The following SASH1 variants were observed in gnomAD, a reference collection of about 807,000 sequenced individuals.
SASH1 encodes the protein SAM and SH3 domain-containing protein 1.
SASH1 carries 44 observed loss-of-function variants against 125.2 expected under a neutral mutation model. The observed-to-expected ratio is 0.35, with a 90% CI of 0.28 to 0.45. The LOEUF is 0.45. Ranked by LOEUF, SASH1 falls within the 20% of genes least tolerant of loss-of-function variation. The pLI is 1.00. For missense variants in SASH1, 1,426 were observed against 1,614.5 expected (o/e 0.88, Z 2.00); for synonymous variants, 639 against 649.1 (o/e 0.98, Z 0.24).
At chr6:148,317,222 T>A (rs1168955166) in intron 1 of SASH1, among the ~76,000 whole-genome samples, 1 of 152,202 alleles carries the variant, frequency 6.6e-6, no homozygotes, top group Non-Finnish European at 1.5e-5. Flanking sequence ...GACAAGAAAT[T>A]CCAGTGGTCT....
In SASH1 at chr6:148,308,026, G is replaced by A. The variant is rs1780189292; in HGVS notation, n.74+35649G>A. On this transcript the variant is annotated intron_variant and non_coding_transcript_variant, in intron 1 of 3. Transcript: ENST00000367469. The stretch of plus-strand genomic sequence containing the variant: ...TGAACACTCACAGGTTTACCATAGA[G>A]ATAAGCAAGAAGTATAACCAGCCAC... Among the ~76,000 whole-genome samples, 3 of 152,058 alleles carry A rather than the reference G, an allele frequency of 2.0e-5. No individual in the cohort carries two copies. The South Asian group carries it at 6.2e-4, about 32-fold the overall frequency.
chr6:148,288,150 G>T (rs1268569944), intron 1 of SASH1, among the ~76,000 whole-genome samples: 1 of 145,184 alleles, frequency 6.9e-6, no homozygotes, highest in Non-Finnish European at 1.6e-5. Context: ...AAAACCCGCG[G>T]GCCCCAGCTG....
At chr6:148,219,521 C>G in the SASH1 span, among the ~76,000 whole-genome samples, 858 of 152,278 alleles carry the variant, frequency 5.6e-3, 9 homozygotes, top group African/African-American at 0.019. Flanking sequence ...TCCTTTAACA[C>G]GCCTCATGAT....
chr6:148,316,044 TC>T (rs2128520144), intron 1 of SASH1, among the ~76,000 whole-genome samples: 1 of 152,338 alleles, frequency 6.6e-6, no homozygotes, highest in East Asian at 1.9e-4. Context: ...TTCATTGATT[TC>T]CTGGAGCACC....
At chr6:148,490,850 C>T (rs1779078706) in intron 8 of SASH1, among the ~76,000 whole-genome samples, 1 of 152,210 alleles carries the variant, frequency 6.6e-6, no homozygotes, top group Non-Finnish European at 1.5e-5. Context: ...TCTATCTCCA[C>T]ACCCAATAGC....
At chr6:148,516,489 C>CA (rs1562474773) in intron 9 of SASH1, among the ~76,000 whole-genome samples, 2 of 97,640 alleles carry the variant, frequency 2.0e-5, no homozygotes, top group African/African-American at 4.8e-5. Flanking sequence ...CGCCAGTAGG[C>CA]GCCCCCTCCC....
At position 148,529,216 on chromosome 6, in the gene SASH1, T is replaced by A. The variant is rs1453756212; in HGVS notation, c.1428+1620T>A. 6.6e-6 allele frequency among the ~76,000 whole-genome samples: 1 copy of A among 152,104 alleles called. No homozygotes were observed. On this transcript the variant is annotated intron_variant, in intron 12 of 19. Coordinates refer to ENST00000367467, the MANE Select transcript of SASH1 (RefSeq NM_015278.5). This position sits in a 1 kb window ranked among gnomAD's most constrained non-coding sequence, Gnocchi z 4.2. ...GGGTTCTGGTCCGTGGCCCGGGAGT[T>A]GGAGAATGCTGATCTAGAGGATAGA...
chr6:148,357,173 A>G (rs1236925246), intron 1 of SASH1, among the ~76,000 whole-genome samples: 1 of 152,202 alleles, frequency 6.6e-6, no homozygotes, highest in African/African-American at 2.4e-5. Flanking sequence ...TGCTGTGCAC[A>G]TATGCTGATT....
At chr6:148,239,418 C>T in the SASH1 span, among the ~76,000 whole-genome samples, 1 of 152,194 alleles carries the variant, frequency 6.6e-6, no homozygotes, top group Admixed American at 6.5e-5. Context: ...TCTCCCGTAA[C>T]AGGGCGTGGA....
upstream of SASH1, among the ~76,000 whole-genome samples, chr6:148,341,230 T>G (rs752203404): frequency 1.5e-3 from 231 of 151,814 alleles, no homozygotes; most frequent in Non-Finnish European, 2.9e-3. Context: ...ACTGTAACCT[T>G]CGCCTCCTGG....
At chr6:148,442,552 C>T (rs1776589030) in intron 4 of SASH1, among the ~76,000 whole-genome samples, 1 of 151,962 alleles carries the variant, frequency 6.6e-6, no homozygotes, top group African/African-American at 2.4e-5. Context: ...CCCCCTGCCC[C>T]CCACATACAC....
chr6:148,516,545 T>C (rs1368464356), intron 9 of SASH1, among the ~76,000 whole-genome samples: 1 of 125,316 alleles, frequency 8.0e-6, no homozygotes, highest in African/African-American at 3.0e-5. Context: ...GTTGATCCTT[T>C]GACTTCCTGC....
At chr6:148,245,989 CAAAAA>C in the SASH1 span, among the ~76,000 whole-genome samples, 2 of 139,616 alleles carry the variant, frequency 1.4e-5, no homozygotes, top group East Asian at 4.1e-4. Context: ...TCTAAAAAAA[CAAAAA>C]AAAAAGAAAA....
intron 1 of SASH1, among the ~76,000 whole-genome samples, chr6:148,375,669 T>A (rs764104938): frequency 6.6e-6 from 1 of 152,252 alleles, no homozygotes; most frequent in East Asian, 1.9e-4. Flanking sequence ...TGATGTCATA[T>A]GTAATATTTT....
intron 4 of SASH1, among the ~76,000 whole-genome samples, chr6:148,461,368 A>T (rs1777605357): frequency 1.3e-5 from 2 of 152,176 alleles, no homozygotes; most frequent in South Asian, 4.1e-4. Flanking sequence ...AAAAACCTGT[A>T]TGGGGATTGT....
At chr6:148,291,560 T>A (rs1779633093) in intron 1 of SASH1, among the ~76,000 whole-genome samples, 1 of 152,016 alleles carries the variant, frequency 6.6e-6, no homozygotes, top group Non-Finnish European at 1.5e-5. Flanking sequence ...ACATGGCGCC[T>A]ATAGTCCCAG....
chr6:148,264,263 T>G, the SASH1 span, among the ~76,000 whole-genome samples: 1 of 151,210 alleles, frequency 6.6e-6, no homozygotes, highest in Non-Finnish European at 1.5e-5. Context: ...TATATCTATA[T>G]CTCTGTCCCA....
the SASH1 span, among the ~76,000 whole-genome samples, chr6:148,249,502 C>A: frequency 6.6e-6 from 1 of 152,222 alleles, no homozygotes; most frequent in African/African-American, 2.4e-5. Flanking sequence ...CCAAGGTACA[C>A]TGAGAAAAGC....
chr6:148,238,209 C>CTTATT, the SASH1 span, among the ~76,000 whole-genome samples: 2,654 of 148,094 alleles, frequency 0.018, 74 homozygotes, highest in African/African-American at 0.061. Flanking sequence ...CCCCATAGTA[C>CTTATT]TTACTTTATT....
Sources: allele counts gnomAD v4.1 joint callset (sites outside exome capture counted in the v4.1 genomes callset), GRCh38; gene constraint gnomAD v4.1.1; non-coding constraint Gnocchi (gnomAD v3.1); transcripts MANE v1.5; gene names NCBI Gene and HGNC (gene_info 2026-07-23, HGNC 2026-07-21).